The following SLCO3A1 variants were observed in gnomAD, a reference collection of about 807,000 sequenced individuals.
SLCO3A1 encodes the protein solute carrier organic anion transporter family member 3A1, also known as PGE1 transporter.
In SLCO3A1, 27 loss-of-function variants were observed where a neutral mutation model predicts 63.1. The ratio of observed to expected loss-of-function variants is 0.43; its 90% CI spans 0.32 to 0.59. The LOEUF is 0.59. Ranked by LOEUF, SLCO3A1 falls within the 20% of genes least tolerant of loss-of-function variation. The probability of loss-of-function intolerance (pLI) is 0.09; values close to 1 mark genes in which losing one functional copy is unlikely to be tolerated. For missense variants in SLCO3A1, 773 were observed against 945.8 expected (o/e 0.82, Z 2.40); for synonymous variants, 473 against 409.9 (o/e 1.15, Z -1.86).
intron 2 of SLCO3A1, among the ~76,000 whole-genome samples, chr15:91,962,429 A>C (rs565120255): frequency 3.1e-4 from 44 of 143,344 alleles, no homozygotes; most frequent in African/African-American, 1.1e-3. Context: ...CGGTGAACTG[A>C]GATCGCGCCA....
chr15:92,054,365 A>T (rs971716798), intron 2 of SLCO3A1, among the ~76,000 whole-genome samples: 1 of 152,222 alleles, frequency 6.6e-6, no homozygotes, highest in Non-Finnish European at 1.5e-5. Context: ...TTGTTTTAAC[A>T]GTTGTAGCAC....
intron 1 of SLCO3A1, among the ~76,000 whole-genome samples, chr15:91,899,374 G>T (rs1478839058): frequency 6.6e-6 from 1 of 152,128 alleles, no homozygotes; most frequent in Non-Finnish European, 1.5e-5. Context: ...CTGTCCCCCT[G>T]CCTTTTCCAC....
At chr15:92,097,232 G>C (rs180679586) in intron 3 of SLCO3A1, among the ~76,000 whole-genome samples, 63 of 152,214 alleles carry the variant, frequency 4.1e-4, no homozygotes, top group African/African-American at 1.4e-3. Flanking sequence ...TTACAAATGA[G>C]GAAACCAAGT....
At chr15:92,045,782 A>G (rs1357866479) in intron 2 of SLCO3A1, among the ~76,000 whole-genome samples, 8 of 152,204 alleles carry the variant, frequency 5.3e-5, no homozygotes, top group Non-Finnish European at 8.8e-5. Context: ...ATCTATACTC[A>G]GTATTTCCCT....
At chr15:92,008,657 T>G (rs2046338073) in intron 2 of SLCO3A1, among the ~76,000 whole-genome samples, 1 of 152,200 alleles carries the variant, frequency 6.6e-6, no homozygotes, top group Non-Finnish European at 1.5e-5. Context: ...TTCAACTTGG[T>G]AGAACATAAG....
chr15:91,932,992 T>C (rs1323134339), intron 2 of SLCO3A1, among the ~76,000 whole-genome samples: 1 of 152,186 alleles, frequency 6.6e-6, no homozygotes, highest in Non-Finnish European at 1.5e-5. Context: ...TTTGATTGCT[T>C]CTACTAAGAG....
chr15:92,157,014 CAG>C (rs1265432222), intron 9 of SLCO3A1: 12 of 152,298 alleles, frequency 7.9e-5, no homozygotes, highest in Admixed American at 3.9e-4. Flanking sequence ...TTCAGGAAAA[CAG>C]AGACAGTGTT....
chr15:92,164,275 T>C lies in SLCO3A1; in HGVS notation c.*1140T>C. The stretch of plus-strand genomic sequence containing the variant: ...TTTCATCATTTTATCCTCATTCGAA[T>C]ATTCTACAAAAACAAGAATATACAA... On this transcript the variant is annotated 3_prime_UTR_variant, in exon 10 of 10. Transcript: ENST00000318445. 1.0e-6 allele frequency: 1 copy of C among 984,092 alleles called. No individual in the cohort carries two copies. Among genetic ancestry groups the C allele is most frequent in the Non-Finnish European group, 1.2e-6 (1 of 828,784 alleles). 61.0% of individuals were successfully genotyped at this position (984,092 alleles called of 1,614,324 possible).
chr15:91,880,119 G>GTCCA (rs1567168598), intron 1 of SLCO3A1, among the ~76,000 whole-genome samples: 244 of 120,454 alleles, frequency 2.0e-3, no homozygotes, highest in African/African-American at 8.7e-3. Context: ...CCGTCCGTCC[G>GTCCA]TCCGTCCGTC....
chr15:91,932,615 G>T (rs1899275682), intron 2 of SLCO3A1, among the ~76,000 whole-genome samples: 1 of 152,066 alleles, frequency 6.6e-6, no homozygotes, highest in Non-Finnish European at 1.5e-5. Flanking sequence ...GCTAATTGTT[G>T]TAAGTTTAGT....
At chr15:92,028,343 C>G (rs1044690316) in intron 2 of SLCO3A1, among the ~76,000 whole-genome samples, 12 of 152,202 alleles carry the variant, frequency 7.9e-5, no homozygotes, top group African/African-American at 2.9e-4. Flanking sequence ...ATCTGCCCCC[C>G]ACCCTGGCCT....
intron 2 of SLCO3A1, among the ~76,000 whole-genome samples, chr15:91,983,786 G>A (rs1050354223): frequency 1.3e-5 from 2 of 152,140 alleles, no homozygotes; most frequent in Non-Finnish European, 2.9e-5. Flanking sequence ...CAGGGTGGAG[G>A]AAAGTTGGAA....
chr15:91,936,478 T>C (rs1187482346), intron 2 of SLCO3A1, among the ~76,000 whole-genome samples: 1 of 152,256 alleles, frequency 6.6e-6, no homozygotes, highest in African/African-American at 2.4e-5. Flanking sequence ...TGAACATTCC[T>C]GTCGCTGCAG....
intron 2 of SLCO3A1, among the ~76,000 whole-genome samples, chr15:92,029,128 A>T (rs183491792): frequency 1.4e-4 from 21 of 152,238 alleles, no homozygotes; most frequent in Admixed American, 1.2e-3. Context: ...CTCTTCTGGG[A>T]AAGTTTGCTA....
intron 4 of SLCO3A1, among the ~76,000 whole-genome samples, chr15:92,112,595 T>TG (rs1326373747): frequency 6.6e-6 from 1 of 151,388 alleles, no homozygotes; most frequent in Non-Finnish European, 1.5e-5. Flanking sequence ...CCAGAAGCAG[T>TG]GGGGGGTTCT....
intron 1 of SLCO3A1, among the ~76,000 whole-genome samples, chr15:91,893,909 T>G (rs994932220): frequency 2.6e-5 from 4 of 152,202 alleles, no homozygotes; most frequent in African/African-American, 4.8e-5. Context: ...AACAGATGAT[T>G]GAAAAGCACA....
rs1480651069 is a variant in SLCO3A1, at chr15:92,008,703, T to C, written c.647-86178T>C. The stretch of plus-strand genomic sequence containing the variant: ...ACACATGCACAGAGATAGGTATAAG[T>C]TGTTTTCTCAATGATGTTTTTCAGT... On this transcript the variant is annotated intron_variant, in intron 2 of 9. Coordinates refer to ENST00000318445, the MANE Select transcript of SLCO3A1 (RefSeq NM_013272.4). 3.3e-5 allele frequency among the ~76,000 whole-genome samples: 5 copies of C among 152,196 alleles called. No individual in the cohort carries two copies. In the East Asian group the frequency reaches 5.8e-4, roughly 18 times the overall value.
intron 2 of SLCO3A1, among the ~76,000 whole-genome samples, chr15:92,053,255 T>A (rs2046979558): frequency 6.6e-6 from 1 of 152,176 alleles, no homozygotes; most frequent in Admixed American, 6.5e-5. Flanking sequence ...AGGACTGTGC[T>A]TCCAGATGTG....
chr15:92,133,991 T>C (rs1438088611), intron 7 of SLCO3A1, among the ~76,000 whole-genome samples: 1 of 152,190 alleles, frequency 6.6e-6, no homozygotes, highest in African/African-American at 2.4e-5. Flanking sequence ...ATATATTTAA[T>C]GTGGCCTGAG....
Sources: gnomAD v4.1 joint callset for allele counts (sites outside exome capture counted in the v4.1 genomes callset) on GRCh38, gnomAD v4.1.1 for gene constraint, MANE v1.5 for transcripts, NCBI Gene and HGNC (gene_info 2026-07-23, HGNC 2026-07-21) for gene names.